Variants in HTR4 observed in about 807,000 individuals in gnomAD.
HTR4 encodes the protein 5-hydroxytryptamine (serotonin) receptor 4, G protein-coupled.
HTR4 carries 16 observed loss-of-function variants against 36.8 expected under a neutral mutation model. The observed-to-expected ratio is 0.43, with a 90% CI of 0.29 to 0.66. HTR4 has a LOEUF of 0.66. HTR4 is among the 30% of genes least tolerant of loss of function. HTR4 has a pLI of 0.13. For synonymous variants in HTR4, 189 were observed against 185.1 expected (o/e 1.02, Z -0.17); for missense variants, 438 against 490.9 (o/e 0.89, Z 1.02).
chr5:148,589,300 G>A (rs1420737568), intron 2 of HTR4, among the ~76,000 whole-genome samples: 1 of 152,172 alleles, frequency 6.6e-6, no homozygotes, highest in East Asian at 1.9e-4. Context: ...CTGCCGAATT[G>A]CTCTTCAAAA....
chr5:148,631,393 C>T (rs1201507109), intron 2 of HTR4, among the ~76,000 whole-genome samples: 1 of 152,134 alleles, frequency 6.6e-6, no homozygotes, highest in Non-Finnish European at 1.5e-5. Context: ...TCCTGCAAAA[C>T]ACCTAAATGC....
At chr5:148,484,543 G>A (rs1479916207) in intron 6 of HTR4, among the ~76,000 whole-genome samples, 3 of 152,280 alleles carry the variant, frequency 2.0e-5, no homozygotes, top group Admixed American at 6.5e-5. Flanking sequence ...AGTCCTAGAA[G>A]AAGTTCATTC....
chr5:148,593,666 G>T (rs1346067635), intron 2 of HTR4, among the ~76,000 whole-genome samples: 2 of 152,044 alleles, frequency 1.3e-5, no homozygotes, highest in Admixed American at 6.6e-5. Flanking sequence ...CAGCTGAATT[G>T]ATATTTTAAA....
intron 6 of HTR4, among the ~76,000 whole-genome samples, chr5:148,506,013 G>T (rs886234541): frequency 6.6e-6 from 1 of 152,058 alleles, no homozygotes; most frequent in Non-Finnish European, 1.5e-5. Context: ...CAGAGAATTG[G>T]AAAAAACTAC....
At chr5:148,543,042 A>G (rs571612751) in intron 4 of HTR4, among the ~76,000 whole-genome samples, 1 of 152,350 alleles carries the variant, frequency 6.6e-6, no homozygotes, top group Admixed American at 6.5e-5. Context: ...AGTGTTTGAC[A>G]CAAGCAAAGC....
chr5:148,550,410 A>C, intron 2 of HTR4, 148 bp from the exon 3 acceptor site: 2 of 851,638 alleles, frequency 2.3e-6, no homozygotes, highest in Non-Finnish European at 3.6e-6. Flanking sequence ...GTACACCAAA[A>C]TCTGAACCGG....
chr5:148,649,071 C>G (rs1753956218), intron 1 of HTR4, among the ~76,000 whole-genome samples: 1 of 152,042 alleles, frequency 6.6e-6, no homozygotes, highest in Admixed American at 6.6e-5. Context: ...CTTAAAGTGT[C>G]TAGGCCTTAG....
At chr5:148,587,048 G>A (rs751933751) in intron 2 of HTR4, among the ~76,000 whole-genome samples, 6 of 152,112 alleles carry the variant, frequency 3.9e-5, no homozygotes, top group Admixed American at 2.6e-4. Flanking sequence ...CAGCTCCCCT[G>A]AACCCCCACT....
chr5:148,489,155 T>C (rs964422042), intron 6 of HTR4, among the ~76,000 whole-genome samples: 9 of 152,198 alleles, frequency 5.9e-5, no homozygotes, highest in African/African-American at 1.9e-4. Context: ...ACACAGCCAA[T>C]ATTTACTGAA....
chr5:148,639,588 T>A (rs924362731), intron 1 of HTR4, among the ~76,000 whole-genome samples: 1 of 147,902 alleles, frequency 6.8e-6, no homozygotes, highest in African/African-American at 2.5e-5. Flanking sequence ...ATGTCTATCC[T>A]CTTTCTCTGT....
chr5:148,580,918 T>C (rs1217136769), intron 2 of HTR4, among the ~76,000 whole-genome samples: 1 of 152,008 alleles, frequency 6.6e-6, no homozygotes, highest in Non-Finnish European at 1.5e-5. Flanking sequence ...GGTAATTCTA[T>C]TTTTGATTTT....
chr5:148,586,044 T>G (rs150059558), intron 2 of HTR4, among the ~76,000 whole-genome samples: 124 of 152,308 alleles, frequency 8.1e-4, no homozygotes, highest in African/African-American at 2.8e-3. Flanking sequence ...TCATTATCAT[T>G]CTCTACCTCA....
Position 148,481,716 on chromosome 5 carries a change from A to G in HTR4, c.*1487T>C. 2 of 1,444,116 alleles carry G rather than the reference A, an allele frequency of 1.4e-6. No homozygotes were observed. The highest frequency in any genetic ancestry group is 1.8e-6 in the Non-Finnish European group (2 of 1,109,752). The allele number at this position is 1,444,116 out of a possible 1,614,324, so 89.5% of individuals were successfully genotyped here. The stretch of plus-strand genomic sequence containing the variant: ...ATATGATAAATAATCCTGAGATGCT[A>G]TTAAACCACAGCCAAGATCAAAGTC... On this transcript the variant is annotated 3_prime_UTR_variant, in exon 7 of 7. Transcript: ENST00000377888.
rs546650189 is a variant in HTR4, at chr5:148,457,163, T to C, written c.1077-5891A>G. Among the ~76,000 whole-genome samples, 4 of 151,802 alleles carry C rather than the reference T, an allele frequency of 2.6e-5. No individual in the cohort carries two copies. The East Asian group carries it at 7.8e-4, about 30-fold the overall frequency. On this transcript the variant is annotated intron_variant, in intron 5 of 5. Transcript: ENST00000521530. ...GGAAAGAGACAATCATCTGTCAGAG[T>C]GGCAAAAGTCTCCCTGTTCCATTTG...
intron 1 of HTR4, chr5:148,646,243 C>T (rs1318834858): frequency 1.3e-5 from 2 of 152,168 alleles, no homozygotes; most frequent in African/African-American, 4.8e-5. Flanking sequence ...TTCTGAAATC[C>T]TCTTTAATGA....
intron 2 of HTR4, among the ~76,000 whole-genome samples, chr5:148,566,192 G>A (rs1413273171): frequency 6.6e-6 from 1 of 151,950 alleles, no homozygotes. Flanking sequence ...TAATGACAAG[G>A]GACATTTCTC....
chr5:148,556,753 C>G (rs764614015), intron 2 of HTR4, among the ~76,000 whole-genome samples: 3 of 152,214 alleles, frequency 2.0e-5, no homozygotes, highest in Middle Eastern at 3.4e-3. Flanking sequence ...TCACAGACCC[C>G]TAGGCATTGC....
At chr5:148,507,948 G>A (rs975778196) in intron 6 of HTR4, among the ~76,000 whole-genome samples, 1 of 151,992 alleles carries the variant, frequency 6.6e-6, no homozygotes, top group African/African-American at 2.4e-5. Context: ...ACTCCTGAAG[G>A]CATAATAATT....
At chr5:148,559,295 G>C (rs555820485) in intron 2 of HTR4, among the ~76,000 whole-genome samples, 37 of 152,230 alleles carry the variant, frequency 2.4e-4, no homozygotes, top group Admixed American at 1.4e-3. Context: ...TCATGTCGGG[G>C]ACCATCTGTA....
Sources: allele counts gnomAD v4.1 joint callset (sites outside exome capture counted in the v4.1 genomes callset), GRCh38; gene constraint gnomAD v4.1.1; transcripts MANE v1.5; gene names NCBI Gene and HGNC (gene_info 2026-07-23, HGNC 2026-07-21).